The following CCDC187 variants were observed in gnomAD, a reference collection of about 807,000 sequenced individuals.
The protein encoded by CCDC187 is coiled-coil domain-containing protein 187.
In CCDC187, 32 loss-of-function variants were observed where a neutral mutation model predicts 38.0. The observed-to-expected ratio is 0.84, with a 90% CI of 0.64 to 1.13. CCDC187 has a LOEUF of 1.13. CCDC187 is among the 50% of genes most tolerant of loss of function. The pLI, the probability that CCDC187 is intolerant of heterozygous loss-of-function variation, is 0.00. For synonymous variants in CCDC187, 333 were observed against 347.9 expected (o/e 0.96, Z 0.48); for missense variants, 707 against 786.8 (o/e 0.90, Z 1.21).
chr9:136,294,716 G>A (rs1831492317), intron 4 of CCDC187, among the ~76,000 whole-genome samples: 1 of 152,202 alleles, frequency 6.6e-6, no homozygotes, highest in Non-Finnish European at 1.5e-5. Context: ...CTACATGGTT[G>A]CACCCACCAG....
intron 14 of CCDC187, among the ~76,000 whole-genome samples, chr9:136,270,975 A>G (rs2131189285): frequency 6.6e-6 from 1 of 152,340 alleles, no homozygotes; most frequent in East Asian, 1.9e-4. Flanking sequence ...ATTGTCCATG[A>G]TCATCTCTAT....
In CCDC187 at chr9:136,252,924, CG is replaced by C; in HGVS notation, c.*669del. The C allele has an allele frequency of 6.6e-6, 1 of 152,328 alleles. No individual in the cohort carries two copies. The highest frequency in any genetic ancestry group is 1.9e-4 in the East Asian group (1 of 5,188). The allele number at this position is 152,328 out of a possible 1,614,324, so 9.4% of individuals were successfully genotyped here. On this transcript the variant is annotated 3_prime_UTR_variant, in exon 26 of 26. Transcript: ENST00000638797. ...ACCTGGCAGCTCAGGCCTCCCTCAACGTCCTCACCAGCATGCTCAAGGGACC... is the reference window on the plus strand; with the variant it reads ...ACCTGGCAGCTCAGGCCTCCCTCAACTCCTCACCAGCATGCTCAAGGGACC...
chr9:136,305,012 G>C (rs1367895495), upstream of CCDC187, among the ~76,000 whole-genome samples: 7 of 152,204 alleles, frequency 4.6e-5, no homozygotes, highest in Non-Finnish European at 8.8e-5. Flanking sequence ...CCCCACATAG[G>C]CACGGGGCCC....
Position 136,286,280 on chromosome 9 carries a change from G to C in CCDC187, c.2638C>G (p.Leu880Val), listed in dbSNP as rs936117941. The change falls in exon 8 of 26, where the codon CTT becomes GTT. Residue 880 changes from leucine to valine, a missense_variant. Coordinates refer to ENST00000638797, the MANE Select transcript of CCDC187 (RefSeq NM_001378188.1). ...PAAPTLATPT[L>V]ATPACPGALG... ...GCTCCAGGGCAGGCTGGGGTGGCAA[G>C]CGTGGGGGTGGCGAGCGTGGGGGCG... 1.8e-4 allele frequency: 73 copies of C among 398,672 alleles called. No homozygotes were observed. The highest frequency in any genetic ancestry group is 2.7e-4 in the Non-Finnish European group (62 of 226,106). 24.7% of individuals were successfully genotyped at this position (398,672 alleles called of 1,614,324 possible).
rs1554759188 is a variant in CCDC187 at position 136,250,705 on chromosome 9, C to A, written c.*2889G>T. 2 of 455,988 alleles carry A rather than the reference C, an allele frequency of 4.4e-6. No homozygotes were observed. Among genetic ancestry groups the A allele is most frequent in the South Asian group, 3.1e-5 (2 of 64,542 alleles). The allele number at this position is 455,988 out of a possible 1,614,324, so 28.2% of individuals were successfully genotyped here. On this transcript the variant is annotated 3_prime_UTR_variant, in exon 26 of 26. Coordinates refer to ENST00000638797, the MANE Select transcript of CCDC187 (RefSeq NM_001378188.1). The stretch of plus-strand genomic sequence containing the variant: ...CATCTGCATTCTCAGGTGGGCTGGG[C>A]AGGAGCTGGTGCAAAATCAGATGCA...
chr9:136,297,479 C>T (rs1831564315), intron 4 of CCDC187, among the ~76,000 whole-genome samples: 1 of 152,254 alleles, frequency 6.6e-6, no homozygotes, highest in African/African-American at 2.4e-5. Context: ...CGCCCCTGCC[C>T]GGACAGGAAC....
In CCDC187 at chr9:136,268,034, G is replaced by T; in HGVS notation, c.3519+15C>A. 10 of 985,404 alleles carry T rather than the reference G, an allele frequency of 1.0e-5. No individual in the cohort carries two copies. Among genetic ancestry groups the T allele is most frequent in the Non-Finnish European group, 9.6e-6 (8 of 829,878 alleles). 61.0% of individuals were successfully genotyped at this position (985,404 alleles called of 1,614,324 possible). A position where few individuals can be genotyped will look rare whatever the true frequency, so the allele number is the denominator to read the frequency against. The stretch of plus-strand genomic sequence containing the variant: ...CTGAAATTGTGCCTCTCCCCCAGGG[G>T]ACCTCTCCACGTACCTGGTGGGTGG... On this transcript the variant is annotated intron_variant, in intron 15 of 25. Transcript: ENST00000638797.
At chr9:136,294,229 C>T (rs1006383672) in intron 4 of CCDC187, among the ~76,000 whole-genome samples, 4 of 151,816 alleles carry the variant, frequency 2.6e-5, no homozygotes, top group Non-Finnish European at 5.9e-5. Context: ...CTCATATACA[C>T]ACGCCCTCAC....
At chr9:136,282,111 C>T (rs1831059298) in intron 9 of CCDC187, among the ~76,000 whole-genome samples, 1 of 152,228 alleles carries the variant, frequency 6.6e-6, no homozygotes, top group African/African-American at 2.4e-5. Context: ...TCATCGGGAC[C>T]ATCTCTACCA....
intron 5 of CCDC187, 98 bp from the exon 6 acceptor site, chr9:136,291,743 G>A: frequency 2.5e-6 from 1 of 398,252 alleles, no homozygotes; most frequent in South Asian, 1.4e-4. Context: ...TGGGGGCGGT[G>A]AGGAGGCCCT....
chr9:136,306,254 C>A (rs1386927134), upstream of CCDC187, among the ~76,000 whole-genome samples: 1 of 152,214 alleles, frequency 6.6e-6, no homozygotes, highest in Non-Finnish European at 1.5e-5. Flanking sequence ...CCGGGCCTAG[C>A]TGGGTCCGTA....
Position 136,303,280 on chromosome 9 carries a change from C to T in CCDC187, c.157G>A (p.Ala53Thr). ...AGGGCTGCCACGTCATCCTCAGCTGCAGGTGCGCAGAGCCTGGGAGGGAAC... is the reference window on the plus strand; with the variant it reads ...AGGGCTGCCACGTCATCCTCAGCTGTAGGTGCGCAGAGCCTGGGAGGGAAC... ...AVAKPRLCAPAAEDDVAALRW... is the reference protein window; with the variant it reads ...AVAKPRLCAPTAEDDVAALRW... The change falls in exon 2 of 26, where the codon GCA becomes ACA. Residue 53 changes from alanine to threonine, a missense_variant. Coordinates refer to ENST00000638797, the MANE Select transcript of CCDC187 (RefSeq NM_001378188.1). 2.5e-6 allele frequency: 1 copy of T among 397,738 alleles called. No individual in the cohort carries two copies. The highest frequency in any genetic ancestry group is 4.4e-6 in the Non-Finnish European group (1 of 226,018). The allele number at this position is 397,738 out of a possible 1,614,324, so 24.6% of individuals were successfully genotyped here. A position where few individuals can be genotyped will look rare whatever the true frequency, so the allele number is the denominator to read the frequency against.
chr9:136,287,381 C>T (rs1831206513), intron 7 of CCDC187, among the ~76,000 whole-genome samples: 1 of 152,156 alleles, frequency 6.6e-6, no homozygotes, highest in Non-Finnish European at 1.5e-5. Flanking sequence ...CTCAGGAAAC[C>T]TACCATCAGG....
intron 4 of CCDC187, 63 bp from the exon 5 acceptor site, chr9:136,292,358 C>G: frequency 2.5e-6 from 1 of 398,364 alleles, no homozygotes; most frequent in Non-Finnish European, 4.4e-6. Context: ...CTGGCCCGGA[C>G]GGGGAGGTTG....
chr9:136,290,345 C>T (rs911463279), intron 6 of CCDC187, 141 bp downstream of exon 6: 1 of 397,820 alleles, frequency 2.5e-6, no homozygotes. Context: ...GGCAGCGACG[C>T]CACGAAGTCC....
chr9:136,254,335 G>A lies in CCDC187; in HGVS notation c.5493C>T (p.Pro1831=). The A allele has an allele frequency of 1.0e-6, 1 of 983,996 alleles. No homozygotes were observed. Among genetic ancestry groups the A allele is most frequent in the Non-Finnish European group, 1.2e-6 (1 of 828,974 alleles). The allele number at this position is 983,996 out of a possible 1,614,324, so 61.0% of individuals were successfully genotyped here. A position where few individuals can be genotyped will look rare whatever the true frequency, so the allele number is the denominator to read the frequency against. ...GCCATGGGGACGGAAGAGCCACCTG[G>A]GGCTCCATGCCGCTTCTGACACCCC... ...LKGGVRSGME[P]QVALPSPWPG... The change falls in exon 26 of 26, where the codon CCC becomes CCT. Residue 1831 remains proline, a synonymous_variant. Transcript: ENST00000638797.
rs910076958 is a variant in CCDC187 at position 136,293,883 on chromosome 9, C to T, written c.833-1588G>A. Among the ~76,000 whole-genome samples, 15 of 152,008 alleles carry T rather than the reference C, an allele frequency of 9.9e-5. No homozygotes were observed. In the South Asian group the frequency reaches 1.0e-3, roughly 11 times the overall value. ...AGTCTCATATGCTCTCTGACTCACA[C>T]GCTCACACACAACCACACACACTCA... On this transcript the variant is annotated intron_variant, in intron 4 of 25. Coordinates refer to ENST00000638797, the MANE Select transcript of CCDC187 (RefSeq NM_001378188.1).
chr9:136,253,553 A>G lies in CCDC187; in HGVS notation c.*41T>C, dbSNP rs1240628400. ...ACTGCATCTACCCAACTGGTCGTCA[A>G]CGCTTCCACCCGGACCAGCCACCCC... is the stretch of plus-strand genomic sequence containing the variant. On this transcript the variant is annotated 3_prime_UTR_variant, in exon 26 of 26. Transcript: ENST00000638797. 9 of 972,670 alleles carry G rather than the reference A, an allele frequency of 9.3e-6. No individual in the cohort carries two copies. Among genetic ancestry groups the G allele is most frequent in the African/African-American group, 3.5e-5 (2 of 57,014 alleles). The allele number at this position is 972,670 out of a possible 1,614,324, so 60.3% of individuals were successfully genotyped here.
chr9:136,281,638 G>A lies in CCDC187; in HGVS notation c.2953C>T (p.His985Tyr). The A allele has an allele frequency of 2.5e-6, 1 of 398,696 alleles. No homozygotes were observed. The highest frequency in any genetic ancestry group is 4.4e-6 in the Non-Finnish European group (1 of 226,092). The allele number at this position is 398,696 out of a possible 1,614,324, so 24.7% of individuals were successfully genotyped here. A position where few individuals can be genotyped will look rare whatever the true frequency, so the allele number is the denominator to read the frequency against. ...GSSYAGPATL[H>Y]PIWGSLGLEE... is the part of the protein sequence containing the mutation. ...AGTCCCAGGGAGCCCCAGATAGGGT[G>A]CAGCGTGGCTGGGCCCGCATATGAG... is the stretch of plus-strand genomic sequence containing the variant. The change falls in exon 10 of 26, where the codon CAC (histidine) becomes TAC (tyrosine). Residue 985 changes from histidine to tyrosine, a missense_variant. By Grantham distance (83) the His-to-Tyr change is moderately conservative. Coordinates refer to ENST00000638797, the MANE Select transcript of CCDC187 (RefSeq NM_001378188.1).
Sources: gnomAD v4.1 joint callset for allele counts (sites outside exome capture counted in the v4.1 genomes callset) on GRCh38, gnomAD v4.1.1 for gene constraint, MANE v1.5 for transcripts, NCBI Gene and HGNC (gene_info 2026-07-23, HGNC 2026-07-21) for gene names.